The following RALGAPA2 variants were observed in gnomAD, a reference collection of about 807,000 sequenced individuals.
The protein encoded by RALGAPA2 is ral GTPase-activating protein subunit alpha-2.
RALGAPA2 carries 139 observed loss-of-function variants against 230.4 expected under a neutral mutation model. That is an observed-to-expected ratio of 0.60 (90% CI 0.53 to 0.69). The LOEUF (loss-of-function observed/expected upper bound fraction) is 0.69. RALGAPA2 is among the 30% of genes least tolerant of loss of function. RALGAPA2 has a pLI of 0.00. For missense variants in RALGAPA2, 2,163 were observed against 2,276.0 expected (o/e 0.95, Z 1.01); for synonymous variants, 847 against 837.8 (o/e 1.01, Z -0.19).
intron 37 of RALGAPA2, among the ~76,000 whole-genome samples, chr20:20,434,303 C>T (rs571211213): frequency 6.6e-6 from 1 of 152,182 alleles, no homozygotes; most frequent in East Asian, 1.9e-4. Context: ...GGGAAAAGTG[C>T]AGAGCTAAAA....
chr20:20,511,511 A>G (rs951224486), intron 32 of RALGAPA2, among the ~76,000 whole-genome samples, 186 bp from the exon 33 acceptor site: 2 of 152,236 alleles, frequency 1.3e-5, no homozygotes, highest in African/African-American at 4.8e-5. Flanking sequence ...TAAAAATTCC[A>G]TCAGCATCCC....
intron 37 of RALGAPA2, among the ~76,000 whole-genome samples, chr20:20,453,055 A>G (rs1290831593): frequency 6.6e-6 from 1 of 152,214 alleles, no homozygotes; most frequent in Non-Finnish European, 1.5e-5. Context: ...TTTAAACATA[A>G]AAAAGTTTGT....
intron 1 of RALGAPA2, among the ~76,000 whole-genome samples, chr20:20,695,650 T>C (rs2069082986): frequency 6.6e-6 from 1 of 152,232 alleles, no homozygotes; most frequent in Non-Finnish European, 1.5e-5. Flanking sequence ...TGTCCTCCTG[T>C]ATGTAGCTAA....
intron 37 of RALGAPA2, among the ~76,000 whole-genome samples, chr20:20,428,525 G>A (rs529800871): frequency 1.3e-5 from 2 of 152,206 alleles, no homozygotes; most frequent in South Asian, 4.2e-4. Context: ...ATGTCCTTTG[G>A]AGCCATTTTG....
chr20:20,681,017 C>T (rs374961058), intron 1 of RALGAPA2, among the ~76,000 whole-genome samples: 2 of 152,148 alleles, frequency 1.3e-5, no homozygotes, highest in African/African-American at 2.4e-5. Flanking sequence ...CTCAGGAGAC[C>T]GTGGAGCCAA....
chr20:20,550,910 T>C (rs1393783131), intron 23 of RALGAPA2, among the ~76,000 whole-genome samples: 2 of 152,242 alleles, frequency 1.3e-5, no homozygotes, highest in African/African-American at 4.8e-5. Flanking sequence ...AGGTGTAGTT[T>C]GTATAATTCA....
rs186889534 is a variant in RALGAPA2, at chr20:20,498,374, G to A, written c.5209-3099C>T. On this transcript the variant is annotated intron_variant, in intron 35 of 39. Coordinates refer to ENST00000202677, the MANE Select transcript of RALGAPA2 (RefSeq NM_020343.4). ...TTTTAAGTCTTAAGAAATCAATCCC[G>A]GACCCACAACTTTTCATCCTAACAG... Among the ~76,000 whole-genome samples, 12 of 152,272 alleles carry A rather than the reference G, an allele frequency of 7.9e-5. No homozygotes were observed. In the East Asian group the frequency reaches 2.3e-3, roughly 29 times the overall value.
chr20:20,522,243 A>G (rs369664907), intron 30 of RALGAPA2, among the ~76,000 whole-genome samples: 1 of 150,222 alleles, frequency 6.7e-6, no homozygotes, highest in African/African-American at 2.5e-5. Flanking sequence ...ATGCATACGT[A>G]TATGTACAAA....
intron 36 of RALGAPA2, among the ~76,000 whole-genome samples, chr20:20,493,745 C>A (rs974697743): frequency 1.3e-5 from 2 of 152,292 alleles, no homozygotes; most frequent in Admixed American, 1.3e-4. Flanking sequence ...CAGTTTAATT[C>A]TTTAAAGTAG....
Position 20,524,279 on chromosome 20 carries a change from C to G in RALGAPA2, c.3900+127G>C, listed in dbSNP as rs184685997. On this transcript the variant is annotated intron_variant, in intron 30 of 39. Coordinates refer to ENST00000202677, the MANE Select transcript of RALGAPA2 (RefSeq NM_020343.4). ...CCAAGTTATTTACTTTTTAAGAAAA[C>G]GTTTAAGCCACCATAAATCCTTTTC... is the stretch of plus-strand genomic sequence containing the variant. 2.3e-6 allele frequency: 3 copies of G among 1,293,212 alleles called. No individual in the cohort carries two copies. The African/African-American group carries it at 4.5e-5, about 19-fold the overall frequency. 80.1% of individuals were successfully genotyped at this position (1,293,212 alleles called of 1,614,324 possible).
chr20:20,441,519 A>C (rs1286137024), intron 37 of RALGAPA2, among the ~76,000 whole-genome samples: 1 of 152,184 alleles, frequency 6.6e-6, no homozygotes, highest in Non-Finnish European at 1.5e-5. Context: ...AGCAGAAGCA[A>C]GCTCCCTCCC....
intron 3 of RALGAPA2, among the ~76,000 whole-genome samples, chr20:20,674,060 G>A (rs772451992): frequency 1.3e-5 from 2 of 151,984 alleles, no homozygotes; most frequent in African/African-American, 4.8e-5. Context: ...GCTGGGCATC[G>A]TGATGCACAC....
chr20:20,630,781 A>G (rs1007543145), intron 9 of RALGAPA2, among the ~76,000 whole-genome samples: 2 of 152,202 alleles, frequency 1.3e-5, no homozygotes, highest in African/African-American at 4.8e-5. Flanking sequence ...CAACCCACGC[A>G]ACGCACTTGG....
intron 3 of RALGAPA2, among the ~76,000 whole-genome samples, chr20:20,667,532 A>G (rs1300390990): frequency 6.6e-6 from 1 of 152,228 alleles, no homozygotes; most frequent in Non-Finnish European, 1.5e-5. Context: ...TCAATACCAA[A>G]GGAAAAACAA....
intron 38 of RALGAPA2, among the ~76,000 whole-genome samples, chr20:20,399,887 C>T (rs368969495): frequency 2.8e-4 from 42 of 152,322 alleles, no homozygotes; most frequent in Non-Finnish European, 3.8e-4. Context: ...GGACAAGAAA[C>T]GCTGCTGCCT....
chr20:20,549,474 C>T (rs549940634), intron 23 of RALGAPA2, among the ~76,000 whole-genome samples: 4 of 152,052 alleles, frequency 2.6e-5, no homozygotes, highest in Non-Finnish European at 5.9e-5. Context: ...CGTAAGACAG[C>T]GCCCTGAGGA....
chr20:20,656,914 AAC>A (rs2067607826), intron 3 of RALGAPA2, among the ~76,000 whole-genome samples: 1 of 152,166 alleles, frequency 6.6e-6, no homozygotes, highest in Admixed American at 6.5e-5. Flanking sequence ...TAGGGCCACA[AAC>A]ACAATCTGGA....
At position 20,392,669 on chromosome 20, in the gene RALGAPA2, TCTC is replaced by T. The variant is rs2059623553; in HGVS notation, c.*617_*619del. 1 of 163,062 alleles carries T rather than the reference TCTC, an allele frequency of 6.1e-6. No homozygotes were observed. Among genetic ancestry groups the T allele is most frequent in the Admixed American group, 5.7e-5 (1 of 17,638 alleles). 10.1% of individuals were successfully genotyped at this position (163,062 alleles called of 1,614,324 possible). A position where few individuals can be genotyped will look rare whatever the true frequency, so the allele number is the denominator to read the frequency against. On this transcript the variant is annotated 3_prime_UTR_variant, in exon 40 of 40. Transcript: ENST00000202677. The stretch of plus-strand genomic sequence containing the variant: ...AACACTGGACAACTGAGGTAAAACT[TCTC>T]CTGGGCAAAAGACCCCGGGGAAAGC...
chr20:20,600,873 G>A (rs776509821), intron 16 of RALGAPA2, among the ~76,000 whole-genome samples: 1 of 152,162 alleles, frequency 6.6e-6, no homozygotes. Flanking sequence ...AGGCCGAGGC[G>A]GGCAGATCAC....
Sources: allele counts gnomAD v4.1 joint callset (sites outside exome capture counted in the v4.1 genomes callset), GRCh38; gene constraint gnomAD v4.1.1; transcripts MANE v1.5; gene names NCBI Gene and HGNC (gene_info 2026-07-23, HGNC 2026-07-21).